The following DNAH14 variants were observed in gnomAD, a reference collection of about 807,000 sequenced individuals.
DNAH14 encodes axonemal beta dynein heavy chain 14.
DNAH14 carries 478 observed loss-of-function variants against 520.9 expected under a neutral mutation model. The ratio of observed to expected loss-of-function variants is 0.92; its 90% CI spans 0.85 to 0.99. The LOEUF (loss-of-function observed/expected upper bound fraction) is 0.99, where lower values mean the gene tolerates loss of function less well. Ranked by LOEUF, DNAH14 falls within the 50% of genes least tolerant of loss-of-function variation. The pLI is 0.00. For missense variants in DNAH14, 4,831 were observed against 5,234.5 expected, an observed-to-expected ratio of 0.92 and a Z score of 2.38; for synonymous variants, 1,581 against 1,757.2, an observed-to-expected ratio of 0.90 and a Z score of 2.51.
intron 27 of DNAH14, among the ~76,000 whole-genome samples, chr1:225,128,397 C>T (rs1186407936): frequency 1.3e-5 from 2 of 152,100 alleles, no homozygotes; most frequent in African/African-American, 2.4e-5. Context: ...CCTTGATGAA[C>T]ATCGATGCAA....
chr1:225,204,579 T>A lies in DNAH14; in HGVS notation c.5977+306T>A, dbSNP rs139725871. On this transcript the variant is annotated intron_variant, in intron 39 of 85. Transcript: ENST00000682510. ...GATGTGATAAGCACCAGCAGCAATC[T>A]ACAATTTGCCACTGATATTGCCTCT... is the stretch of plus-strand genomic sequence containing the variant. Among the ~76,000 whole-genome samples, 23 of 152,312 alleles carry A rather than the reference T, an allele frequency of 1.5e-4. No homozygotes were observed. In the East Asian group the frequency reaches 2.9e-3, roughly 19 times the overall value.
intron 36 of DNAH14, among the ~76,000 whole-genome samples, chr1:225,172,243 G>C (rs1463959537): frequency 6.6e-6 from 1 of 152,148 alleles, no homozygotes; most frequent in African/African-American, 2.4e-5. Context: ...ATTCAACATA[G>C]TGTTGGCAGT....
chr1:225,358,584 G>C lies in DNAH14; in HGVS notation c.11708G>C (p.Gly3903Ala), dbSNP rs2095457856. 6 of 1,549,102 alleles carry C rather than the reference G, an allele frequency of 3.9e-6. No individual in the cohort carries two copies. In the East Asian group the frequency reaches 1.5e-4, roughly 38 times the overall value. Reference protein sequence around the residue: ...KMGNKYLQRTGVNLKDAYKGS... With the variant: ...KMGNKYLQRTAVNLKDAYKGS... The stretch of plus-strand genomic sequence containing the variant: ...GGAAATAAGTATCTTCAAAGAACTG[G>C]AGTTAATTTGAAAGATGCATATAAA... The change falls in exon 74 of 86, where the codon GGA (glycine) becomes GCA (alanine). Residue 3903 changes from glycine (G) to alanine (A), a missense_variant. Physicochemically the swap from Gly to Ala is moderately conservative, Grantham distance 60. Coordinates refer to ENST00000682510, the MANE Select transcript of DNAH14 (RefSeq NM_001367479.1).
chr1:225,023,227 C>T (rs2065848506), intron 10 of DNAH14, among the ~76,000 whole-genome samples: 1 of 151,744 alleles, frequency 6.6e-6, no homozygotes, highest in African/African-American at 2.4e-5. Context: ...GCATATGTAC[C>T]CTCAGAACCT....
intron 21 of DNAH14, among the ~76,000 whole-genome samples, chr1:225,086,544 T>G (rs2073826833): frequency 6.6e-6 from 1 of 152,050 alleles, no homozygotes; most frequent in African/African-American, 2.4e-5. Flanking sequence ...TATACATGCA[T>G]CTATATAAAT....
intron 1 of DNAH14, among the ~76,000 whole-genome samples, chr1:224,951,868 T>A (rs753840226): frequency 2.6e-5 from 4 of 151,946 alleles, no homozygotes; most frequent in Non-Finnish European, 5.9e-5. Context: ...CTCAATCTCC[T>A]GACCTCGTGA....
At chr1:225,127,501 T>G (rs1001467035) in intron 27 of DNAH14, among the ~76,000 whole-genome samples, 14 of 152,024 alleles carry the variant, frequency 9.2e-5, no homozygotes, top group Non-Finnish European at 1.5e-4. Context: ...TTGGTTTAAA[T>G]TCTGTTTTAT....
intron 34 of DNAH14, among the ~76,000 whole-genome samples, chr1:225,156,841 A>G (rs1366360423): frequency 2.3e-5 from 3 of 132,230 alleles, no homozygotes; most frequent in Non-Finnish European, 3.2e-5. Context: ...CAGCCTCCCA[A>G]GTAGCTGGGA....
rs1486848880 is a variant in DNAH14, at chr1:224,991,095, T to A, written c.831-11688T>A. The stretch of plus-strand genomic sequence containing the variant: ...TTAGTGATGTTGAGCTTTTTTTTTT[T>A]TTTTTTTTTTTTTTTTTGAGACGGA... On this transcript the variant is annotated intron_variant, in intron 8 of 85. Transcript: ENST00000682510. Among the ~76,000 whole-genome samples the A allele has an allele frequency of 6.9e-4, 72 of 104,884 alleles. 4 individuals are homozygous for A. The highest frequency in any genetic ancestry group is 5.2e-3 in the African/African-American group (68 of 13,102). The allele number at this position is 104,884 out of a possible 152,430, so 68.8% of individuals were successfully genotyped here.
At chr1:225,135,023 T>A (rs1037896404) in intron 27 of DNAH14, among the ~76,000 whole-genome samples, 1 of 152,124 alleles carries the variant, frequency 6.6e-6, no homozygotes, top group Non-Finnish European at 1.5e-5. Context: ...GATATCCCCC[T>A]TATCATTTCT....
intron 17 of DNAH14, among the ~76,000 whole-genome samples, chr1:225,078,834 CTCTCT>C (rs2072683646): frequency 1.6e-4 from 9 of 56,190 alleles, no homozygotes; most frequent in African/African-American, 5.4e-4. Flanking sequence ...CCCTCTCTCT[CTCTCT>C]CTCCCTCTCT....
At chr1:224,992,677 T>C (rs1293330684) in intron 8 of DNAH14, among the ~76,000 whole-genome samples, 1 of 152,114 alleles carries the variant, frequency 6.6e-6, no homozygotes, top group Non-Finnish European at 1.5e-5. Context: ...AGTTTTTTCT[T>C]TCTTATTAGG....
At chr1:225,120,436 G>A (rs867733396) in intron 26 of DNAH14, among the ~76,000 whole-genome samples, 28 of 152,326 alleles carry the variant, frequency 1.8e-4, no homozygotes, top group African/African-American at 6.0e-4. Flanking sequence ...CCCCTAAACC[G>A]TAATTTCTAA....
chr1:225,171,851 G>T (rs527798113), intron 36 of DNAH14, among the ~76,000 whole-genome samples: 1 of 151,480 alleles, frequency 6.6e-6, no homozygotes, highest in African/African-American at 2.4e-5. Flanking sequence ...GATGAACATC[G>T]ATGCAAAAAT....
At chr1:225,393,475 T>G (rs141427732) in intron 84 of DNAH14, among the ~76,000 whole-genome samples, 147 of 152,328 alleles carry the variant, frequency 9.7e-4, no homozygotes, top group African/African-American at 3.1e-3. Context: ...CCCAAACACA[T>G]CTATACATAG....
At chr1:225,386,534 G>GA (rs1360271847) in intron 81 of DNAH14, among the ~76,000 whole-genome samples, 5 of 152,222 alleles carry the variant, frequency 3.3e-5, no homozygotes, top group African/African-American at 1.2e-4. Flanking sequence ...AAATTTACAA[G>GA]AAAAAAATCA....
chr1:224,985,320 T>A (rs1249487903), intron 8 of DNAH14, among the ~76,000 whole-genome samples: 1 of 152,170 alleles, frequency 6.6e-6, no homozygotes, highest in African/African-American at 2.4e-5. Context: ...TGCAATGACC[T>A]GGATGAGATT....
chr1:225,391,311 G>A (rs1481312778), intron 83 of DNAH14, among the ~76,000 whole-genome samples: 1 of 152,064 alleles, frequency 6.6e-6, no homozygotes, highest in Non-Finnish European at 1.5e-5. Flanking sequence ...GGTCATATAA[G>A]GAGTCTGCAA....
chr1:225,055,484 G>A (rs1484869446), intron 17 of DNAH14, among the ~76,000 whole-genome samples: 1 of 151,944 alleles, frequency 6.6e-6, no homozygotes, highest in Admixed American at 6.6e-5. Context: ...CAGAATAGCT[G>A]GGACTACAGG....
Sources: allele counts gnomAD v4.1 joint callset (sites outside exome capture counted in the v4.1 genomes callset), GRCh38; gene constraint gnomAD v4.1.1; transcripts MANE v1.5; gene names NCBI Gene and HGNC (gene_info 2026-07-23, HGNC 2026-07-21).